Variants in CLIC5 observed in about 807,000 individuals in gnomAD.
CLIC5 encodes CLIC family member 5, also known as chloride intracellular channel protein 5.
A neutral mutation model predicts 24.7 loss-of-function variants in CLIC5; 20 were observed. That is an observed-to-expected ratio of 0.81 (90% confidence interval 0.57 to 1.18). CLIC5 has a LOEUF of 1.18. Among genes scored for constraint, CLIC5 ranks in the 50% most tolerant of loss-of-function variants. The pLI is 0.00. For synonymous variants in CLIC5, 159 were observed against 135.6 expected, an observed-to-expected ratio of 1.17 and a Z score of -1.20; for missense variants, 341 against 326.1, an observed-to-expected ratio of 1.05 and a Z score of -0.35.
rs140503823 is a variant in CLIC5 at position 46,011,415 on chromosome 6, C to T, written c.63+4065G>A. Among the ~76,000 whole-genome samples the T allele has an allele frequency of 3.0e-3, 451 of 152,330 alleles. 1 individual carries two copies. Among genetic ancestry groups the T allele is most frequent in the African/African-American group, 9.6e-3 (397 of 41,564 alleles). On this transcript the variant is annotated intron_variant, in intron 1 of 5. Transcript: ENST00000339561. ...TCAGTGGCTCTCCACCAGGGCTGCA[C>T]GCTGGAGCCACCTGAGAGTGGATAT...
chr6:45,972,408 T>A (rs1294673103), intron 1 of CLIC5, among the ~76,000 whole-genome samples: 1 of 152,314 alleles, frequency 6.6e-6, no homozygotes, highest in African/African-American at 2.4e-5. Flanking sequence ...GGATTGAAAT[T>A]CCAGCTAGAA....
chr6:46,124,785 T>G, the CLIC5 span, among the ~76,000 whole-genome samples: 1 of 150,124 alleles, frequency 6.7e-6, no homozygotes, highest in Non-Finnish European at 1.5e-5. Context: ...CAGACACTTC[T>G]CAAAAGAAGA....
At chr6:45,906,033 T>G (rs1762650795) in intron 5 of CLIC5, among the ~76,000 whole-genome samples, 1 of 152,186 alleles carries the variant, frequency 6.6e-6, no homozygotes, top group Non-Finnish European at 1.5e-5. Flanking sequence ...GTGTGTGGCT[T>G]TATTTCTGGG....
intron 1 of CLIC5, among the ~76,000 whole-genome samples, chr6:46,069,482 A>G (rs570029721): frequency 1.3e-5 from 2 of 152,186 alleles, no homozygotes; most frequent in Admixed American, 6.5e-5. Flanking sequence ...AAATTCCTGG[A>G]CACATACACC....
At chr6:45,881,781 G>A (rs1762264771) in intron 6 of CLIC5, among the ~76,000 whole-genome samples, 1 of 152,138 alleles carries the variant, frequency 6.6e-6, no homozygotes, top group South Asian at 2.1e-4. Context: ...AATAAGCCCT[G>A]TAAGTGTCCT....
rs184526509 is a variant in CLIC5, at chr6:46,077,929, A to T, written c.540+1774T>A. On this transcript the variant is annotated intron_variant, in intron 1 of 5. Coordinates refer to the CLIC5 transcript ENST00000185206. ...CAGCCATAGGCTAATTTCTAGTGAG[A>T]TAAACACTTAGCCAAATTTAGAAAT... Among the ~76,000 whole-genome samples, 27 of 152,290 alleles carry T rather than the reference A, an allele frequency of 1.8e-4. No individual in the cohort carries two copies. In the East Asian group the frequency reaches 4.0e-3, roughly 23 times the overall value.
At chr6:45,935,489 T>A (rs964317894) in intron 4 of CLIC5, among the ~76,000 whole-genome samples, 4 of 152,220 alleles carry the variant, frequency 2.6e-5, no homozygotes, top group Admixed American at 6.5e-5. Flanking sequence ...TGGATGACAC[T>A]GTGCCCTCCC....
downstream of CLIC5, among the ~76,000 whole-genome samples, chr6:45,894,103 T>G (rs1002293732): frequency 3.3e-5 from 5 of 152,186 alleles, no homozygotes; most frequent in Non-Finnish European, 5.9e-5. Context: ...AATTGTATCC[T>G]TGGGAAAGAT....
chr6:46,087,458 T>C, the CLIC5 span, among the ~76,000 whole-genome samples: 1 of 152,166 alleles, frequency 6.6e-6, no homozygotes, highest in South Asian at 2.1e-4. Flanking sequence ...CTTCCCCTGC[T>C]TCATCCTCTC....
At chr6:45,885,746 A>G (rs1436003181) in intron 6 of CLIC5, among the ~76,000 whole-genome samples, 1 of 152,204 alleles carries the variant, frequency 6.6e-6, no homozygotes, top group East Asian at 1.9e-4. Flanking sequence ...GAGCTCCCAA[A>G]TGCTAAGGGA....
chr6:45,926,316 C>T (rs949390191), intron 4 of CLIC5, among the ~76,000 whole-genome samples: 13 of 150,734 alleles, frequency 8.6e-5, no homozygotes, highest in African/African-American at 2.9e-4. Context: ...GGTGTGATCT[C>T]GGCTCACTGC....
At chr6:45,966,493 A>G (rs1765019836) in intron 1 of CLIC5, among the ~76,000 whole-genome samples, 1 of 152,128 alleles carries the variant, frequency 6.6e-6, no homozygotes, top group African/African-American at 2.4e-5. Context: ...GAGATGTCCA[A>G]CAGAATCACC....
At chr6:46,022,004 C>T (rs1020057892) in intron 1 of CLIC5, among the ~76,000 whole-genome samples, 1 of 152,242 alleles carries the variant, frequency 6.6e-6, no homozygotes, top group Non-Finnish European at 1.5e-5. Flanking sequence ...CCACTTTCCA[C>T]ACAGTCTTTG....
At chr6:46,061,815 C>T (rs968591005) in intron 1 of CLIC5, among the ~76,000 whole-genome samples, 8 of 152,212 alleles carry the variant, frequency 5.3e-5, no homozygotes, top group African/African-American at 1.9e-4. Context: ...CCAATGGTTT[C>T]TTTATTTTGT....
chr6:46,038,307 G>A (rs1460691829), intron 1 of CLIC5, among the ~76,000 whole-genome samples: 1 of 152,164 alleles, frequency 6.6e-6, no homozygotes, highest in Non-Finnish European at 1.5e-5. Flanking sequence ...ACAAAATCTA[G>A]GCTTTAGACT....
chr6:45,918,900 A>T (rs1763139356), intron 4 of CLIC5: 2 of 939,342 alleles, frequency 2.1e-6, no homozygotes, highest in South Asian at 9.8e-5. Flanking sequence ...ATTCATCGTC[A>T]TTCAACAGAT....
intron 1 of CLIC5, among the ~76,000 whole-genome samples, chr6:45,974,522 T>TATATATATAGAG (rs1339415709): frequency 1.5e-4 from 10 of 66,006 alleles, no homozygotes; most frequent in African/African-American, 1.2e-4. Context: ...TATATATATA[T>TATATATATAGAG]AGAGAGAGAG....
chr6:45,972,014 C>T (rs1196879753), intron 1 of CLIC5, among the ~76,000 whole-genome samples: 1 of 152,136 alleles, frequency 6.6e-6, no homozygotes, highest in Non-Finnish European at 1.5e-5. Context: ...GGGCCAGACA[C>T]ATTTACTCTA....
Position 45,949,314 on chromosome 6 carries a change from C to A in CLIC5, c.241G>T (p.Val81Leu), listed in dbSNP as rs142218776. The change falls in exon 3 of 6, where the codon GTG (valine) becomes TTG (leucine). Residue 81 changes from valine (V) to leucine (L), a missense_variant. Coordinates refer to ENST00000339561, the MANE Select transcript of CLIC5 (RefSeq NM_016929.5). ...TCGATCTTATTGACGTCTGTCTTCA[C>A]GTCCCCGTTGAAGGTCAGGAAGGGC... ...HPPFLTFNGD[V>L]KTDVNKIEEF... 2.5e-6 allele frequency: 4 copies of A among 1,613,964 alleles called. No homozygotes were observed. Among genetic ancestry groups the A allele is most frequent in the Non-Finnish European group, 3.4e-6 (4 of 1,179,886 alleles).
Sources: gnomAD v4.1 joint callset for allele counts (sites outside exome capture counted in the v4.1 genomes callset) on GRCh38, gnomAD v4.1.1 for gene constraint, MANE v1.5 for transcripts, NCBI Gene and HGNC (gene_info 2026-07-23, HGNC 2026-07-21) for gene names.